NIPSNAP3A: variants seen among roughly 807,000 people sequenced by gnomAD.
NIPSNAP3A encodes the protein nipsnap homolog 3A, also known as protein NipSnap homolog 3A.
In NIPSNAP3A, 27 loss-of-function variants were observed where a neutral mutation model predicts 32.3. The ratio of observed to expected loss-of-function variants is 0.84; its 90% CI spans 0.62 to 1.15. The LOEUF is 1.15. Among genes scored for constraint, NIPSNAP3A ranks in the 50% most tolerant of loss-of-function variants. The pLI is 0.00. For synonymous variants in NIPSNAP3A, 108 were observed against 107.3 expected, an observed-to-expected ratio of 1.01 and a Z score of -0.04; for missense variants, 278 against 297.2, an observed-to-expected ratio of 0.94 and a Z score of 0.48.
chr9:104,754,418 A>G (rs1827881368), intron 3 of NIPSNAP3A, 133 bp from the exon 4 acceptor site: 1 of 711,636 alleles, frequency 1.4e-6, no homozygotes, highest in Non-Finnish European at 2.4e-6. Flanking sequence ...TATAATAAAC[A>G]TGTCTACATA....
intron 4 of NIPSNAP3A, among the ~76,000 whole-genome samples, chr9:104,755,673 C>T (rs546414617): frequency 7.2e-5 from 11 of 152,158 alleles, no homozygotes; most frequent in South Asian, 2.1e-4. Context: ...GTAATTCCAG[C>T]GCTTTTGGGA....
chr9:104,751,823 C>T (rs914833564), intron 2 of NIPSNAP3A, among the ~76,000 whole-genome samples: 4 of 152,204 alleles, frequency 2.6e-5, no homozygotes, highest in Middle Eastern at 3.4e-3. Flanking sequence ...GAGTTCTTCC[C>T]GTGTTGAAAC....
intron 4 of NIPSNAP3A, among the ~76,000 whole-genome samples, chr9:104,756,814 C>CTTT (rs34247948): frequency 1.7e-5 from 2 of 114,290 alleles, no homozygotes; most frequent in African/African-American, 3.3e-5. Context: ...TGTTAATATT[C>CTTT]TTTTTTTTTT....
intron 1 of NIPSNAP3A, among the ~76,000 whole-genome samples, chr9:104,749,931 C>T (rs924398694): frequency 3.3e-5 from 5 of 152,092 alleles, no homozygotes; most frequent in African/African-American, 4.8e-5. Context: ...ATTTTCTTTT[C>T]TCAGCATTCA....
intron 3 of NIPSNAP3A, chr9:104,753,851 AG>A (rs1210759120): frequency 1.3e-5 from 2 of 152,318 alleles, no homozygotes; most frequent in Admixed American, 6.5e-5. Flanking sequence ...CTTCTCTGAC[AG>A]TGTCAAATCT....
rs767815248 is a variant in NIPSNAP3A, at chr9:104,754,647, G to T, written c.527G>T (p.Gly176Val). ...GCAGTTCATGCTCATGTCAATCTAG[G>T]CTACACAAAACTAGTTGGAGTGTTC... is the stretch of plus-strand genomic sequence containing the variant. Reference protein sequence around the residue: ...KRAVHAHVNLGYTKLVGVFHT... With the variant: ...KRAVHAHVNLVYTKLVGVFHT... The change falls in exon 4 of 6, where the codon GGC becomes GTC. Residue 176 changes from glycine to valine, a missense_variant. Gly to Val is a moderately radical substitution (Grantham distance 109). Transcript: ENST00000374767. 2.5e-6 allele frequency: 4 copies of T among 1,613,896 alleles called. No homozygotes were observed. Among genetic ancestry groups the T allele is most frequent in the Non-Finnish European group, 3.4e-6 (4 of 1,179,918 alleles).
At chr9:104,747,930 G>T in intron 1 of NIPSNAP3A, 78 bp downstream of exon 1, 2 of 1,360,428 alleles carry the variant, frequency 1.5e-6, no homozygotes, top group South Asian at 2.5e-5. Context: ...GGGTACGTGC[G>T]AGCAATGCGC....
Position 104,759,116 on chromosome 9 carries a change from T to G in NIPSNAP3A, c.612T>G (p.Asp204Glu), listed in dbSNP as rs1216122327. The change falls in exon 5 of 6, where the codon GAT becomes GAG. Residue 204 changes from aspartate to glutamate, a missense_variant. By Grantham distance (45) the Asp-to-Glu change is conservative (BLOSUM62 2). Transcript: ENST00000374767. ...VHVLWWNESA[D>E]SRAAGRHKSH... ...TTCTTTGGTGGAATGAGAGTGCAGATAGTCGTGCAGCTGGGAGACATAAGT... is the reference window on the plus strand; with the variant it reads ...TTCTTTGGTGGAATGAGAGTGCAGAGAGTCGTGCAGCTGGGAGACATAAGT... 1.2e-6 allele frequency: 2 copies of G among 1,613,064 alleles called. No homozygotes were observed. The highest frequency in any genetic ancestry group is 1.3e-5 in the African/African-American group (1 of 74,904).
chr9:104,751,993 G>A (rs954450186), intron 2 of NIPSNAP3A, among the ~76,000 whole-genome samples: 2 of 151,946 alleles, frequency 1.3e-5, no homozygotes, highest in African/African-American at 4.8e-5. Context: ...AATAGAAAAA[G>A]CCCCATTAAA....
rs980577808 is a variant in NIPSNAP3A, at chr9:104,748,963, T to TCCGGCTCCCCCACCATAC, written c.60+1122_60+1139dup. Reference sequence around the variant, plus strand: ...CCTGCAACAAAATTCTTAACTCCCATCCGGCTCCCCCACCATACCCGGCTC... The same window carrying TCCGGCTCCCCCACCATAC: ...CCTGCAACAAAATTCTTAACTCCCATCCGGCTCCCCCACCATACCCGGCTCCCCCACCATACCCGGCTC... On this transcript the variant is annotated intron_variant, in intron 1 of 5. Transcript: ENST00000374767. Among the ~76,000 whole-genome samples the TCCGGCTCCCCCACCATAC allele has an allele frequency of 5.9e-5, 9 of 152,194 alleles. No individual in the cohort carries two copies. In the South Asian group the frequency reaches 8.3e-4, roughly 14 times the overall value.
chr9:104,754,377 A>G, intron 3 of NIPSNAP3A, 174 bp from the exon 4 acceptor site: 1 of 586,460 alleles, frequency 1.7e-6, no homozygotes, highest in Non-Finnish European at 3.0e-6. Flanking sequence ...ATGGGCAAGG[A>G]CTTTCTAAGC....
intron 3 of NIPSNAP3A, 36 bp from the exon 4 acceptor site, chr9:104,754,515 A>C (rs771001039): frequency 1.9e-6 from 3 of 1,601,994 alleles, no homozygotes; most frequent in Admixed American, 3.3e-5. Context: ...TATTGCTTGA[A>C]TGTTTTCTGA....
chr9:104,752,891 C>CT lies in NIPSNAP3A; in HGVS notation c.272-11dup, dbSNP rs774117331. The stretch of plus-strand genomic sequence containing the variant: ...ATTGAATTTTTTATTTTTCTTAATT[C>CT]TTTTCTTCCCACAGATAATTTTGCT... On this transcript the variant is annotated splice_polypyrimidine_tract_variant and intron_variant, in intron 2 of 5. Coordinates refer to ENST00000374767, the MANE Select transcript of NIPSNAP3A (RefSeq NM_015469.3). 6.8e-6 allele frequency: 11 copies of CT among 1,607,008 alleles called. No homozygotes were observed. In the South Asian group the frequency reaches 1.2e-4, roughly 18 times the overall value.
In NIPSNAP3A at chr9:104,759,312, C is replaced by T; in HGVS notation, c.718C>T (p.Pro240Ser). The change falls in exon 6 of 6, where the codon CCT (proline) becomes TCT (serine). Residue 240 changes from proline to serine, a missense_variant. Physicochemically the swap from Pro to Ser is moderately conservative, Grantham distance 74 (BLOSUM62 -1). Coordinates refer to ENST00000374767, the MANE Select transcript of NIPSNAP3A (RefSeq NM_015469.3). ...LVSQQNMLLI[P>S]TSFSPLK ...ATCTCAGCAGAATATGCTTCTGATT[C>T]CTACATCGTTTTCACCACTGAAATA... is the stretch of plus-strand genomic sequence containing the variant. The T allele has an allele frequency of 1.2e-6, 2 of 1,613,812 alleles. No individual in the cohort carries two copies. The highest frequency in any genetic ancestry group is 1.7e-6 in the Non-Finnish European group (2 of 1,179,968).
rs1375591888 is a variant in NIPSNAP3A, at chr9:104,754,656, A to T, written c.536A>T (p.Lys179Ile). 6.2e-7 allele frequency: 1 copy of T among 1,614,012 alleles called. No homozygotes were observed. The highest frequency in any genetic ancestry group is 2.2e-5 in the East Asian group (1 of 44,870). Reference protein sequence around the residue: ...VHAHVNLGYTKLVGVFHTEYG... With the variant: ...VHAHVNLGYTILVGVFHTEYG... ...GCTCATGTCAATCTAGGCTACACAA[A>T]ACTAGTTGGAGTGTTCCACACAGAG... Residue 179 changes from lysine (K) to isoleucine (I), a missense_variant, in exon 4 of 6, where the codon AAA (lysine) becomes ATA (isoleucine). By Grantham distance (102) the Lys-to-Ile change is moderately radical. Coordinates refer to ENST00000374767, the MANE Select transcript of NIPSNAP3A (RefSeq NM_015469.3).
intron 2 of NIPSNAP3A, among the ~76,000 whole-genome samples, chr9:104,751,786 G>A (rs1474729302): frequency 1.3e-5 from 2 of 152,096 alleles, no homozygotes; most frequent in Admixed American, 1.3e-4. Flanking sequence ...TACTACTCTA[G>A]GGAGGTAAAA....
chr9:104,747,772 T>A lies in NIPSNAP3A; in HGVS notation c.-21T>A, dbSNP rs1313342225. ...CAGAAAGGACACGGCTGGCTGCTTT[T>A]CTCAGCGCCGAAGCCGCGCCATGCT... On this transcript the variant is annotated 5_prime_UTR_variant, in exon 1 of 6. Coordinates refer to ENST00000374767, the MANE Select transcript of NIPSNAP3A (RefSeq NM_015469.3). 1 of 1,604,826 alleles carries A rather than the reference T, an allele frequency of 6.2e-7. No individual in the cohort carries two copies. The highest frequency in any genetic ancestry group is 8.5e-7 in the Non-Finnish European group (1 of 1,177,140).
At chr9:104,749,684 T>C (rs569329021) in intron 1 of NIPSNAP3A, among the ~76,000 whole-genome samples, 37 of 152,326 alleles carry the variant, frequency 2.4e-4, no homozygotes, top group Non-Finnish European at 4.6e-4. Context: ...TGTGTGTGTG[T>C]ATGTGTATAC....
At chr9:104,759,205 G>A (rs1827943717) in intron 5 of NIPSNAP3A, 34 bp downstream of exon 5, 1 of 1,613,764 alleles carries the variant, frequency 6.2e-7, no homozygotes, top group African/African-American at 1.3e-5. Context: ...ATTATTTTTA[G>A]AACAAATGTG....
Sources: gnomAD v4.1 joint callset for allele counts (sites outside exome capture counted in the v4.1 genomes callset) on GRCh38, gnomAD v4.1.1 for gene constraint, MANE v1.5 for transcripts, NCBI Gene and HGNC (gene_info 2026-07-23, HGNC 2026-07-21) for gene names.